PCDHGA2: variants seen among roughly 807,000 people sequenced by gnomAD.
PCDHGA2 encodes protocadherin gamma subfamily A, 2.
PCDHGA2 carries 40 observed loss-of-function variants against 59.2 expected under a neutral mutation model. That is an observed-to-expected ratio of 0.68 (90% CI 0.52 to 0.88). The LOEUF is 0.88. Among genes scored for constraint, PCDHGA2 ranks in the 40% least tolerant of loss-of-function variants. The pLI is 0.00. For missense variants in PCDHGA2, 1,226 were observed against 1,204.0 expected (o/e 1.02, Z -0.27); for synonymous variants, 560 against 526.0 (o/e 1.06, Z -0.89).
chr5:141,403,137 G>C (rs2094359580), intron 1 of PCDHGA2: 1 of 1,614,038 alleles, frequency 6.2e-7, no homozygotes, highest in Non-Finnish European at 8.5e-7. Flanking sequence ...CTGGCGGAGC[G>C]CCGAGTCCGC....
rs749781059 is a variant in PCDHGA2 at position 141,477,983 on chromosome 5, C to G, written c.2425-16824C>G. On this transcript the variant is annotated intron_variant, in intron 1 of 3. Coordinates refer to ENST00000394576, the MANE Select transcript of PCDHGA2 (RefSeq NM_018915.4). This position sits in a 1 kb window ranked among gnomAD's most constrained non-coding sequence, Gnocchi z 4.9. ...TAACCAGAGCCTTTTTGCCATAGGG[C>G]TGCACACTGGTCAAATCAGTACTGC... The G allele has an allele frequency of 1.7e-5, 27 of 1,614,126 alleles. No homozygotes were observed. The highest frequency in any genetic ancestry group is 2.3e-5 in the Non-Finnish European group (27 of 1,180,024).
chr5:141,415,935 C>A, intron 1 of PCDHGA2: 1 of 601,886 alleles, frequency 1.7e-6, no homozygotes, highest in Non-Finnish European at 2.4e-6. Context: ...TTTATATTTC[C>A]TCCTGGGTGG....
At chr5:141,478,794 G>A in intron 1 of PCDHGA2, 1 of 1,468,126 alleles carries the variant, frequency 6.8e-7, no homozygotes, top group Non-Finnish European at 9.0e-7. Flanking sequence ...CACATCCTCA[G>A]CACTCTTTTG....
intron 1 of PCDHGA2, chr5:141,374,954 A>G: frequency 6.2e-7 from 1 of 1,613,990 alleles, no homozygotes. Flanking sequence ...GATCTCACAA[A>G]TTTTCTGTTT....
At chr5:141,358,616 C>T (rs1249200315) in intron 1 of PCDHGA2, among the ~76,000 whole-genome samples, 2 of 152,198 alleles carry the variant, frequency 1.3e-5, no homozygotes, top group Non-Finnish European at 2.9e-5. Flanking sequence ...AGAAATATTT[C>T]CAAGCTAATT....
rs754225999 is a variant in PCDHGA2, at chr5:141,489,509, T to C, written c.2425-5298T>C. The C allele has an allele frequency of 1.2e-6, 2 of 1,614,062 alleles. No homozygotes were observed. The highest frequency in any genetic ancestry group is 1.1e-5 in the South Asian group (1 of 91,074). On this transcript the variant is annotated intron_variant, in intron 1 of 3. Coordinates refer to ENST00000394576, the MANE Select transcript of PCDHGA2 (RefSeq NM_018915.4). The surrounding 1 kb of genome is among the most constrained non-coding windows in gnomAD (Gnocchi z 4.5). ...GGTGCCCTGGCAGTGAATCAAAAGA[T>C]TGACCGAGAAAGCCTATGTGGAGCC...
intron 2 of PCDHGA2, among the ~76,000 whole-genome samples, chr5:141,497,614 A>C (rs1377740795): frequency 6.8e-6 from 1 of 146,530 alleles, no homozygotes; most frequent in African/African-American, 2.6e-5. Context: ...ATCTTGGCTC[A>C]CTGCAACCTC....
chr5:141,421,507 G>A lies in PCDHGA2; in HGVS notation c.2425-73300G>A, dbSNP rs758920296. On this transcript the variant is annotated intron_variant, in intron 1 of 3. Coordinates refer to ENST00000394576, the MANE Select transcript of PCDHGA2 (RefSeq NM_018915.4). ...GATCACGGCAGGCAGGATAGACCGG[G>A]AGGAGCTCTGTGAGACGGTGTCCTC... The A allele has an allele frequency of 6.8e-6, 11 of 1,614,070 alleles. No homozygotes were observed. The South Asian group carries it at 1.2e-4, about 18-fold the overall frequency.
chr5:141,429,376 T>TG (rs2097206796), intron 1 of PCDHGA2, among the ~76,000 whole-genome samples: 1 of 144,558 alleles, frequency 6.9e-6, no homozygotes, highest in Non-Finnish European at 1.5e-5. Context: ...GGAGAAAATG[T>TG]GTTTTTTTTT....
At chr5:141,418,233 A>T in intron 1 of PCDHGA2, 1 of 1,614,048 alleles carries the variant, frequency 6.2e-7, no homozygotes, top group Non-Finnish European at 8.5e-7. Flanking sequence ...GTGATTGAGG[A>T]TGTTAATGAC....
At chr5:141,440,859 T>C (rs1272611201) in intron 1 of PCDHGA2, 1 of 152,076 alleles carries the variant, frequency 6.6e-6, no homozygotes, top group Non-Finnish European at 1.5e-5. Context: ...CCTGTGTTCA[T>C]CTAGGATGTG....
At chr5:141,365,275 C>T in intron 1 of PCDHGA2, 1 of 1,613,980 alleles carries the variant, frequency 6.2e-7, no homozygotes, top group Non-Finnish European at 8.5e-7. Flanking sequence ...CCAGATTCTA[C>T]CTCATGGAAG....
intron 1 of PCDHGA2, among the ~76,000 whole-genome samples, chr5:141,402,671 G>A (rs1016182752): frequency 2.0e-5 from 3 of 152,140 alleles, no homozygotes; most frequent in Admixed American, 2.0e-4. Flanking sequence ...TTCTTTATCA[G>A]CCATCTGATA....
At chr5:141,342,930 T>C (rs1319907711) in intron 1 of PCDHGA2, 1 of 152,180 alleles carries the variant, frequency 6.6e-6, no homozygotes, top group African/African-American at 2.4e-5. Context: ...AGGTCTGTGA[T>C]TTCTCTCTCA....
chr5:141,406,553 C>T (rs990498102), intron 1 of PCDHGA2, among the ~76,000 whole-genome samples: 1 of 152,150 alleles, frequency 6.6e-6, no homozygotes, highest in African/African-American at 2.4e-5. Flanking sequence ...CTTCAGTTAT[C>T]CACTTCCAAA....
chr5:141,485,768 C>G lies in PCDHGA2; in HGVS notation c.2425-9039C>G. ...GGTCCCAGAGCTGCTCCTGGAGAAG[C>G]CTTTGGATCGAGAGAAGCAATCGGA... On this transcript the variant is annotated intron_variant, in intron 1 of 3. Coordinates refer to ENST00000394576, the MANE Select transcript of PCDHGA2 (RefSeq NM_018915.4). The surrounding 1 kb of genome is among the most constrained non-coding windows in gnomAD (Gnocchi z 5.7). 5 of 1,614,192 alleles carry G rather than the reference C, an allele frequency of 3.1e-6. No homozygotes were observed. The South Asian group carries it at 3.3e-5, about 11-fold the overall frequency.
At chr5:141,419,694 G>A in intron 1 of PCDHGA2, 1 of 1,612,974 alleles carries the variant, frequency 6.2e-7, no homozygotes, top group Non-Finnish European at 8.5e-7. Context: ...GTGCAGGCCA[G>A]TGAGCCCGGG....
rs1036281905 is a variant in PCDHGA2 at position 141,493,555 on chromosome 5, T to A, written c.2425-1252T>A. Among the ~76,000 whole-genome samples, 3 of 152,012 alleles carry A rather than the reference T, an allele frequency of 2.0e-5. No individual in the cohort carries two copies. ...GCCAGTTATCCTTTTGGAGATTGAG[T>A]TCCCCCAGCTCCGTTTCCTCCTATC... On this transcript the variant is annotated intron_variant, in intron 1 of 3. Transcript: ENST00000394576. The surrounding 1 kb of genome is among the most constrained non-coding windows in gnomAD (Gnocchi z 4.3).
At chr5:141,371,734 A>T in intron 1 of PCDHGA2, 1 of 1,614,042 alleles carries the variant, frequency 6.2e-7, no homozygotes, top group Non-Finnish European at 8.5e-7. Flanking sequence ...GATGTCAACG[A>T]CAACGTTCCC....
Sources: allele counts gnomAD v4.1 joint callset (sites outside exome capture counted in the v4.1 genomes callset), GRCh38; gene constraint gnomAD v4.1.1; non-coding constraint Gnocchi (gnomAD v3.1); transcripts MANE v1.5; gene names NCBI Gene and HGNC (gene_info 2026-07-23, HGNC 2026-07-21).